MAST2: variants seen among roughly 807,000 people sequenced by gnomAD.
The protein encoded by MAST2 is microtubule associated serine/threonine kinase 2.
MAST2 carries 70 observed loss-of-function variants against 147.4 expected under a neutral mutation model. That is an observed-to-expected ratio of 0.47 (90% CI 0.39 to 0.58). The LOEUF is 0.58. Ranked by LOEUF, MAST2 falls within the 20% of genes least tolerant of loss-of-function variation. The pLI is 0.00. For synonymous variants in MAST2, 869 were observed against 896.8 expected (o/e 0.97, Z 0.55); for missense variants, 2,080 against 2,302.3 (o/e 0.90, Z 1.98).
At chr1:45,933,063 T>TAAAAAAAAAAAA (rs61544126) in intron 4 of MAST2, among the ~76,000 whole-genome samples, 1 of 88,256 alleles carries the variant, frequency 1.1e-5, no homozygotes, top group African/African-American at 4.6e-5. Context: ...CCCATTTCTT[T>TAAAAAAAAAAAA]AAAAAAAAAA....
chr1:45,916,849 C>A (rs937348431), intron 4 of MAST2, among the ~76,000 whole-genome samples: 2 of 152,222 alleles, frequency 1.3e-5, no homozygotes, highest in South Asian at 4.2e-4. Flanking sequence ...GAGGCCGAGG[C>A]GGGTGGATCA....
chr1:46,017,948 C>T (rs990819613), intron 10 of MAST2, among the ~76,000 whole-genome samples: 4 of 152,222 alleles, frequency 2.6e-5, no homozygotes, highest in African/African-American at 9.7e-5. Flanking sequence ...CAATCTTCTG[C>T]CTTCCAGTTT....
intron 4 of MAST2, among the ~76,000 whole-genome samples, chr1:45,905,856 AGTTTCTAAAAAATT>A (rs1650631855): frequency 6.6e-6 from 1 of 152,096 alleles, no homozygotes. Flanking sequence ...TGTATGTTTA[AGTTTCTAAAAAATT>A]GCCACATAAT....
chr1:45,882,016 A>AAAAT, intron 3 of MAST2, among the ~76,000 whole-genome samples: 1 of 132,452 alleles, frequency 7.5e-6, no homozygotes, highest in Non-Finnish European at 1.5e-5. Flanking sequence ...CTCTACTAAA[A>AAAAT]AAAAAAAAAA....
At position 45,840,088 on chromosome 1, in the gene MAST2, CTATAAAAGGAA is replaced by C. The variant is rs1405499349; in HGVS notation, c.468+10508_468+10518del. Among the ~76,000 whole-genome samples, 4 of 152,038 alleles carry C rather than the reference CTATAAAAGGAA, an allele frequency of 2.6e-5. No individual in the cohort carries two copies. In the East Asian group the frequency reaches 7.7e-4, roughly 29 times the overall value. On this transcript the variant is annotated intron_variant, in intron 3 of 28. Coordinates refer to ENST00000361297, the MANE Select transcript of MAST2 (RefSeq NM_015112.3). Reference sequence around the variant, plus strand: ...TTTCTTGGAGTAAAAAAAGCTTAACCTATAAAAGGAAAAAAATTGGCTTTTATCAGAAAGAA... The same window carrying C: ...TTTCTTGGAGTAAAAAAAGCTTAACCAAAAATTGGCTTTTATCAGAAAGAA...
intron 4 of MAST2, among the ~76,000 whole-genome samples, chr1:45,940,852 C>A (rs938412137): frequency 6.6e-6 from 1 of 152,104 alleles, no homozygotes; most frequent in Non-Finnish European, 1.5e-5. Context: ...ATCTCCTGAC[C>A]TCATGATCCG....
At chr1:45,814,177 A>G (rs900208637) in intron 1 of MAST2, among the ~76,000 whole-genome samples, 8 of 152,188 alleles carry the variant, frequency 5.3e-5, no homozygotes, top group African/African-American at 2.4e-5. Flanking sequence ...TTACCATACT[A>G]TACTTTCTAC....
intron 10 of MAST2, among the ~76,000 whole-genome samples, chr1:46,012,503 T>C (rs1645755251): frequency 6.6e-6 from 1 of 152,204 alleles, no homozygotes; most frequent in Admixed American, 6.5e-5. Flanking sequence ...AACATGTACT[T>C]AATAAAAATA....
chr1:46,017,574 C>T (rs1405089485), intron 10 of MAST2, among the ~76,000 whole-genome samples: 6 of 151,836 alleles, frequency 4.0e-5, no homozygotes, highest in Non-Finnish European at 7.4e-5. Context: ...AAAATGCTCA[C>T]CATCACTGGC....
intron 4 of MAST2, among the ~76,000 whole-genome samples, chr1:45,931,063 A>ACAG (rs1655209557): frequency 6.6e-6 from 1 of 152,220 alleles, no homozygotes; most frequent in Non-Finnish European, 1.5e-5. Flanking sequence ...AATTAACATT[A>ACAG]ATAAATATTA....
At chr1:46,029,029 T>G (rs1646528468) in intron 18 of MAST2, 96 bp downstream of exon 18, 1 of 1,340,418 alleles carries the variant, frequency 7.5e-7, no homozygotes, top group South Asian at 1.4e-5. Flanking sequence ...GCTCTTGTTC[T>G]GAACTCATCA....
At chr1:45,980,075 A>C (rs1644338600) in intron 5 of MAST2, among the ~76,000 whole-genome samples, 1 of 152,256 alleles carries the variant, frequency 6.6e-6, no homozygotes, top group African/African-American at 2.4e-5. Context: ...ACTTGAGGTC[A>C]GGAGTTCAAG....
chr1:45,942,158 T>C (rs1369892012), intron 4 of MAST2, among the ~76,000 whole-genome samples: 1 of 152,092 alleles, frequency 6.6e-6, no homozygotes, highest in Non-Finnish European at 1.5e-5. Context: ...TTTTTTTTTT[T>C]TTTAACTGAA....
chr1:45,900,195 A>AAAAAAAAAAATT (rs1553226994), intron 4 of MAST2, among the ~76,000 whole-genome samples: 58 of 93,182 alleles, frequency 6.2e-4, no homozygotes, highest in Admixed American at 8.9e-4. Flanking sequence ...AAAAAAAAAA[A>AAAAAAAAAAATT]GATTTACCCT....
intron 3 of MAST2, among the ~76,000 whole-genome samples, chr1:45,858,936 T>C (rs993228143): frequency 9.9e-5 from 15 of 152,136 alleles, no homozygotes; most frequent in Non-Finnish European, 1.5e-4. Context: ...GTGGTATTAT[T>C]TCTGAGGGCT....
chr1:45,875,361 G>A (rs1224927468), intron 3 of MAST2, among the ~76,000 whole-genome samples: 2 of 152,086 alleles, frequency 1.3e-5, no homozygotes, highest in Non-Finnish European at 2.9e-5. Context: ...CAGGAGAATC[G>A]CTTGAACCTG....
intron 4 of MAST2, among the ~76,000 whole-genome samples, chr1:45,954,337 T>C (rs1659358123): frequency 1.3e-5 from 2 of 152,272 alleles, no homozygotes; most frequent in Non-Finnish European, 2.9e-5. Flanking sequence ...CTAGAAACGA[T>C]CTACTACTCT....
chr1:45,892,667 A>G (rs1648026860), intron 4 of MAST2, among the ~76,000 whole-genome samples: 1 of 152,166 alleles, frequency 6.6e-6, no homozygotes, highest in South Asian at 2.1e-4. Context: ...TGGAGCTCTG[A>G]GACAACCCTT....
At chr1:45,984,932 G>A (rs2149080394) in intron 5 of MAST2, among the ~76,000 whole-genome samples, 1 of 151,950 alleles carries the variant, frequency 6.6e-6, no homozygotes, top group South Asian at 2.1e-4. Context: ...TAAATGAAAA[G>A]GTAAAAAATT....
Sources: allele counts gnomAD v4.1 joint callset (sites outside exome capture counted in the v4.1 genomes callset), GRCh38; gene constraint gnomAD v4.1.1; transcripts MANE v1.5; gene names NCBI Gene and HGNC (gene_info 2026-07-23, HGNC 2026-07-21).